Variants in MPZL1 observed in about 807,000 individuals in gnomAD.
MPZL1 encodes myelin protein zero like 1.
MPZL1 carries 16 observed loss-of-function variants against 29.3 expected under a neutral mutation model. That is an observed-to-expected ratio of 0.55 (90% CI 0.37 to 0.83). MPZL1 has a LOEUF of 0.83. Among genes scored for constraint, MPZL1 ranks in the 40% least tolerant of loss-of-function variants. The probability of loss-of-function intolerance (pLI) is 0.00; values close to 1 mark genes in which losing one functional copy is unlikely to be tolerated. For synonymous variants in MPZL1, 143 were observed against 132.0 expected, an observed-to-expected ratio of 1.08 and a Z score of -0.57; for missense variants, 279 against 332.9, an observed-to-expected ratio of 0.84 and a Z score of 1.26.
At chr1:167,770,773 A>C (rs1262723230) in intron 2 of MPZL1, among the ~76,000 whole-genome samples, 1 of 152,190 alleles carries the variant, frequency 6.6e-6, no homozygotes, top group Non-Finnish European at 1.5e-5. Context: ...CTGGGTCCCC[A>C]ATTTACTATC....
At chr1:167,739,286 T>TATATATATATATATATATATATACAC in intron 1 of MPZL1, among the ~76,000 whole-genome samples, 1 of 108,298 alleles carries the variant, frequency 9.2e-6, no homozygotes, top group East Asian at 2.2e-4. Flanking sequence ...TATATACATA[T>TATATATATATATATATATATATACAC]ATATATATAT....
chr1:167,737,955 T>A (rs1660411703), intron 1 of MPZL1, among the ~76,000 whole-genome samples: 1 of 151,998 alleles, frequency 6.6e-6, no homozygotes, highest in Admixed American at 6.5e-5. Context: ...TGAGACAGAG[T>A]CTTGCTCTCG....
At position 167,791,233 on chromosome 1, in the gene MPZL1, G is replaced by A. The variant is rs368920044; in HGVS notation, c.*3312G>A. On this transcript the variant is annotated 3_prime_UTR_variant, in exon 6 of 6. Coordinates refer to ENST00000359523, the MANE Select transcript of MPZL1 (RefSeq NM_003953.6). ...ACCTTGCTGTTTTGTTCACTGCTCC[G>A]TCTGCAGTAAAGGGAACAGCACCTG... 2.3e-4 allele frequency: 35 copies of A among 152,300 alleles called. No homozygotes were observed. Among genetic ancestry groups the A allele is most frequent in the African/African-American group, 8.2e-4 (34 of 41,546 alleles). The allele number at this position is 152,300 out of a possible 1,614,324, so 9.4% of individuals were successfully genotyped here.
rs566792109 is a variant in MPZL1, at chr1:167,782,222, T to A, written c.709-5598T>A. Among the ~76,000 whole-genome samples, 77 of 152,342 alleles carry A rather than the reference T, an allele frequency of 5.1e-4. 1 individual carries two copies. Among genetic ancestry groups the A allele is most frequent in the Non-Finnish European group, 2.4e-4 (16 of 68,036 alleles). On this transcript the variant is annotated intron_variant, in intron 5 of 5. Transcript: ENST00000359523. ...CTAGAAATTTTATTTGGTTCTTTTT[T>A]AAATATACCTGGTTAATTTTGATAG...
At chr1:167,731,173 G>T (rs924845210) in intron 1 of MPZL1, among the ~76,000 whole-genome samples, 1 of 152,034 alleles carries the variant, frequency 6.6e-6, no homozygotes, top group Admixed American at 6.5e-5. Context: ...CGTGGCTCGC[G>T]CCTGTAATCC....
rs370097165 is a variant in MPZL1 at position 167,781,795 on chromosome 1, G to A, written c.708+5629G>A. 1.6e-4 allele frequency among the ~76,000 whole-genome samples: 24 copies of A among 151,958 alleles called. No homozygotes were observed. The South Asian group carries it at 4.0e-3, about 25-fold the overall frequency. ...TGTCGCTTCTCTCTGGCTGCTTTTC[G>A]GATCTTCTTTATGCCTTTGGTGTTT... is the stretch of plus-strand genomic sequence containing the variant. On this transcript the variant is annotated intron_variant, in intron 5 of 5. Coordinates refer to ENST00000359523, the MANE Select transcript of MPZL1 (RefSeq NM_003953.6).
At chr1:167,787,063 T>C (rs966267429) in intron 5 of MPZL1, 2 of 152,236 alleles carry the variant, frequency 1.3e-5, no homozygotes, top group African/African-American at 4.8e-5. Flanking sequence ...AATTGTAACC[T>C]CTTCCTTACT....
At chr1:167,725,858 G>A (rs147124884) in intron 1 of MPZL1, among the ~76,000 whole-genome samples, 7,673 of 151,234 alleles carry the variant, frequency 0.051, 253 homozygotes, top group Middle Eastern at 0.08. Flanking sequence ...TCAAGTGACC[G>A]GCCTGCCTCA....
chr1:167,747,451 C>G (rs1253572932), intron 1 of MPZL1, among the ~76,000 whole-genome samples: 1 of 152,172 alleles, frequency 6.6e-6, no homozygotes, highest in Non-Finnish European at 1.5e-5. Context: ...TCTAGAACTC[C>G]TAGGCTCAAG....
At chr1:167,739,282 C>CATATATACACATATATATAT (rs1387652331) in intron 1 of MPZL1, among the ~76,000 whole-genome samples, 2 of 90,442 alleles carry the variant, frequency 2.2e-5, no homozygotes, top group Non-Finnish European at 4.0e-5. Flanking sequence ...TACATATATA[C>CATATATACACATATATATAT]ATATATATAT....
intron 2 of MPZL1, among the ~76,000 whole-genome samples, chr1:167,769,953 G>T (rs1190531122): frequency 6.6e-6 from 1 of 152,180 alleles, no homozygotes; most frequent in African/African-American, 2.4e-5. Flanking sequence ...AATCAAGGAT[G>T]ACTTCAAGAT....
rs146457829 is a variant in MPZL1, at chr1:167,755,291, G to A, written c.92-10292G>A. Among the ~76,000 whole-genome samples the A allele has an allele frequency of 5.3e-3, 812 of 152,160 alleles. 6 individuals are homozygous for A. The highest frequency in any genetic ancestry group is 0.019 in the African/African-American group (777 of 41,510). ...TTGTTCTGTCCTTCTAGTAATAATT[G>A]TATTGGCTTTTCTGGTTTCAGTTAA... On this transcript the variant is annotated intron_variant, in intron 1 of 5. Coordinates refer to ENST00000359523, the MANE Select transcript of MPZL1 (RefSeq NM_003953.6).
chr1:167,731,156 CG>C (rs1344959128), intron 1 of MPZL1, among the ~76,000 whole-genome samples: 1 of 152,048 alleles, frequency 6.6e-6, no homozygotes, highest in Admixed American at 6.5e-5. Context: ...GAAAATGGGC[CG>C]GGTGCCGTGG....
chr1:167,745,425 T>C (rs1410825821), intron 1 of MPZL1, among the ~76,000 whole-genome samples: 1 of 152,114 alleles, frequency 6.6e-6, no homozygotes, highest in African/African-American at 2.4e-5. Flanking sequence ...TTTTGGAACC[T>C]TGAACACAGG....
intron 2 of MPZL1, among the ~76,000 whole-genome samples, chr1:167,769,735 T>C (rs1661198229): frequency 6.6e-6 from 1 of 152,342 alleles, no homozygotes; most frequent in Non-Finnish European, 1.5e-5. Flanking sequence ...ATAAATGTTA[T>C]AATAATAACC....
At position 167,787,965 on chromosome 1, in the gene MPZL1, T is replaced by C. The variant is rs1409169024; in HGVS notation, c.*44T>C. 1 of 1,506,170 alleles carries C rather than the reference T, an allele frequency of 6.6e-7. No individual in the cohort carries two copies. Among genetic ancestry groups the C allele is most frequent in the South Asian group, 1.1e-5 (1 of 88,290 alleles). The allele number at this position is 1,506,170 out of a possible 1,614,324, so 93.3% of individuals were successfully genotyped here. A position where few individuals can be genotyped will look rare whatever the true frequency, so the allele number is the denominator to read the frequency against. ...TCCTCAGCAAGAAACAAAACCAAAC[T>C]GGACTCTCGTGCAGAAAATGTAGCC... On this transcript the variant is annotated 3_prime_UTR_variant, in exon 6 of 6. Coordinates refer to ENST00000359523, the MANE Select transcript of MPZL1 (RefSeq NM_003953.6).
chr1:167,787,738 C>A, intron 5 of MPZL1, 82 bp from the exon 6 acceptor site: 1 of 1,017,376 alleles, frequency 9.8e-7, no homozygotes. Flanking sequence ...GATGTGATCA[C>A]GTTAATCATT....
At chr1:167,774,164 G>A (rs181812159) in intron 4 of MPZL1, among the ~76,000 whole-genome samples, 1 of 152,346 alleles carries the variant, frequency 6.6e-6, no homozygotes. Flanking sequence ...ACACGTTTAA[G>A]CATAGGGTGT....
chr1:167,786,092 C>G (rs867237470), intron 5 of MPZL1, among the ~76,000 whole-genome samples: 1 of 152,260 alleles, frequency 6.6e-6, no homozygotes, highest in East Asian at 1.9e-4. Context: ...CACACCCGGC[C>G]GAAAACAGTC....
Sources: gnomAD v4.1 joint callset for allele counts (sites outside exome capture counted in the v4.1 genomes callset) on GRCh38, gnomAD v4.1.1 for gene constraint, MANE v1.5 for transcripts, NCBI Gene and HGNC (gene_info 2026-07-23, HGNC 2026-07-21) for gene names.